CTNNA2: variants seen among roughly 807,000 people sequenced by gnomAD.
The protein encoded by CTNNA2 is catenin alpha 2.
In CTNNA2, 42 loss-of-function variants were observed where a neutral mutation model predicts 101.0. That is an observed-to-expected ratio of 0.42 (90% CI 0.32 to 0.54). The LOEUF (loss-of-function observed/expected upper bound fraction) is 0.54. Ranked by LOEUF, CTNNA2 falls within the 20% of genes least tolerant of loss-of-function variation. The pLI is 0.14. For synonymous variants in CTNNA2, 450 were observed against 456.4 expected, an observed-to-expected ratio of 0.99 and a Z score of 0.18; for missense variants, 871 against 1,223.1, an observed-to-expected ratio of 0.71 and a Z score of 4.29.
intron 1 of CTNNA2, among the ~76,000 whole-genome samples, chr2:79,557,297 TC>T (rs950710924): frequency 3.3e-5 from 5 of 151,978 alleles, no homozygotes; most frequent in African/African-American, 1.2e-4. Context: ...GCATTTATTT[TC>T]TTGCTGTGTA....
intron 2 of CTNNA2, among the ~76,000 whole-genome samples, chr2:79,222,872 A>C (rs546467001): frequency 2.0e-5 from 3 of 152,180 alleles, no homozygotes; most frequent in Non-Finnish European, 2.9e-5. Context: ...CCCAGACCAA[A>C]CACAGTGGCT....
chr2:80,415,707 T>C (rs148713749), intron 8 of CTNNA2, among the ~76,000 whole-genome samples: 284 of 152,232 alleles, frequency 1.9e-3, no homozygotes, highest in Admixed American at 3.7e-3. Flanking sequence ...AATAAATCAA[T>C]ATCTCAGAGA....
At chr2:80,191,028 T>C (rs1706467369) in intron 7 of CTNNA2, among the ~76,000 whole-genome samples, 1 of 152,198 alleles carries the variant, frequency 6.6e-6, no homozygotes, top group East Asian at 1.9e-4. Context: ...GCTAGGGTCT[T>C]ATATGTATGG....
rs2149206632 is a variant in CTNNA2, at chr2:80,302,422, C to A, written c.1057-90789C>A. On this transcript the variant is annotated intron_variant, in intron 7 of 18. Transcript: ENST00000402739. This position sits in a 1 kb window ranked among gnomAD's most constrained non-coding sequence, Gnocchi z 6.4. ...GTTTCTGCTTTTGCTTCCTGCGCTG[C>A]GTGACAAAGCACTGTCTGAGCTGCC... 2 of 1,614,202 alleles carry A rather than the reference C, an allele frequency of 1.2e-6. No homozygotes were observed. The highest frequency in any genetic ancestry group is 1.7e-6 in the Non-Finnish European group (2 of 1,180,046).
intron 4 of CTNNA2, among the ~76,000 whole-genome samples, chr2:79,383,285 T>C (rs1189406796): frequency 1.3e-5 from 2 of 152,136 alleles, no homozygotes; most frequent in African/African-American, 4.8e-5. Context: ...ACATGGCAAA[T>C]TTCATGACAT....
At chr2:80,466,871 T>C (rs543746299) in intron 9 of CTNNA2, among the ~76,000 whole-genome samples, 1 of 152,326 alleles carries the variant, frequency 6.6e-6, no homozygotes, top group South Asian at 2.1e-4. Flanking sequence ...GTATAATAGA[T>C]ACCTTGCATT....
chr2:80,473,350 T>C (rs1685465183), intron 9 of CTNNA2, among the ~76,000 whole-genome samples: 1 of 152,190 alleles, frequency 6.6e-6, no homozygotes, highest in African/African-American at 2.4e-5. Context: ...AAATAAAAGC[T>C]AGTATTTGTA....
At chr2:79,759,312 G>C (rs970416090) in intron 3 of CTNNA2, among the ~76,000 whole-genome samples, 1 of 152,118 alleles carries the variant, frequency 6.6e-6, no homozygotes, top group Non-Finnish European at 1.5e-5. Context: ...AGGATTGCTT[G>C]AACCTGGGAG....
intron 18 of CTNNA2, among the ~76,000 whole-genome samples, chr2:80,630,010 G>T (rs1251429515): frequency 6.6e-6 from 1 of 152,140 alleles, no homozygotes; most frequent in Non-Finnish European, 1.5e-5. Flanking sequence ...CCAGGTGTCA[G>T]TGGGTGGAGG....
At chr2:79,771,701 G>T (rs887023151) in intron 3 of CTNNA2, among the ~76,000 whole-genome samples, 1 of 152,236 alleles carries the variant, frequency 6.6e-6, no homozygotes, top group African/African-American at 2.4e-5. Context: ...GGTAATGCCA[G>T]TGATGAGGAG....
At chr2:80,481,644 C>T (rs1025104625) in intron 9 of CTNNA2, among the ~76,000 whole-genome samples, 2 of 152,052 alleles carry the variant, frequency 1.3e-5, no homozygotes, top group Admixed American at 6.6e-5. Context: ...CAGAGTTTTT[C>T]GTCTTATTCT....
chr2:79,649,649 T>C (rs1056519308), intron 1 of CTNNA2, among the ~76,000 whole-genome samples: 1 of 152,138 alleles, frequency 6.6e-6, no homozygotes, highest in Non-Finnish European at 1.5e-5. Flanking sequence ...GAATGGAAAA[T>C]GTGTAAAGTG....
chr2:80,415,078 A>C (rs914859814), intron 8 of CTNNA2, among the ~76,000 whole-genome samples: 6 of 152,208 alleles, frequency 3.9e-5, no homozygotes, highest in Non-Finnish European at 8.8e-5. Flanking sequence ...CAGGCCAACT[A>C]CGTAGCTAAT....
At chr2:79,941,443 A>G (rs970982215) in intron 7 of CTNNA2, among the ~76,000 whole-genome samples, 5 of 152,244 alleles carry the variant, frequency 3.3e-5, no homozygotes, top group African/African-American at 1.2e-4. Flanking sequence ...AGACCTTGTC[A>G]TGGGACACCT....
intron 7 of CTNNA2, among the ~76,000 whole-genome samples, chr2:80,083,163 A>T (rs991457441): frequency 6.6e-6 from 1 of 152,092 alleles, no homozygotes; most frequent in African/African-American, 2.4e-5. Flanking sequence ...TCATGAATAG[A>T]CTGGGGCTGT....
chr2:79,747,937 A>T (rs1275731516), intron 3 of CTNNA2, among the ~76,000 whole-genome samples: 7 of 152,214 alleles, frequency 4.6e-5, no homozygotes, highest in Admixed American at 4.6e-4. Context: ...ATAGTATGCA[A>T]AATAACCCAA....
intron 7 of CTNNA2, among the ~76,000 whole-genome samples, chr2:80,079,808 G>A (rs528882853): frequency 1.4e-3 from 83 of 59,550 alleles, no homozygotes; most frequent in Non-Finnish European, 2.8e-3. Flanking sequence ...GGGAGACTCC[G>A]TCTCAAAAAT....
intron 7 of CTNNA2, among the ~76,000 whole-genome samples, chr2:79,922,120 G>A (rs927163466): frequency 1.3e-5 from 2 of 151,966 alleles, no homozygotes; most frequent in Non-Finnish European, 2.9e-5. Context: ...TCCTTTTTCC[G>A]TTTTCTTAAT....
chr2:79,643,336 C>T (rs1289330838), intron 1 of CTNNA2, among the ~76,000 whole-genome samples: 3 of 152,116 alleles, frequency 2.0e-5, no homozygotes, highest in Non-Finnish European at 4.4e-5. Flanking sequence ...ACTACTCCCC[C>T]ACTGGCATGT....
Sources: allele counts gnomAD v4.1 joint callset (sites outside exome capture counted in the v4.1 genomes callset), GRCh38; gene constraint gnomAD v4.1.1; non-coding constraint Gnocchi (gnomAD v3.1); transcripts MANE v1.5; gene names NCBI Gene and HGNC (gene_info 2026-07-23, HGNC 2026-07-21).